Variants in ACOXL observed in about 807,000 individuals in gnomAD.
ACOXL encodes acyl-CoA oxidase like.
ACOXL carries 70 observed loss-of-function variants against 71.9 expected under a neutral mutation model. The ratio of observed to expected loss-of-function variants is 0.97; its 90% CI spans 0.80 to 1.19. The LOEUF (loss-of-function observed/expected upper bound fraction) is 1.19. Among genes scored for constraint, ACOXL ranks in the 50% most tolerant of loss-of-function variants. ACOXL has a pLI of 0.00. For synonymous variants in ACOXL, 253 were observed against 281.6 expected, an observed-to-expected ratio of 0.90 and a Z score of 1.02; for missense variants, 703 against 736.3, an observed-to-expected ratio of 0.95 and a Z score of 0.52.
At chr2:110,851,875 C>T (rs376313303) in intron 10 of ACOXL, among the ~76,000 whole-genome samples, 166 of 152,314 alleles carry the variant, frequency 1.1e-3, no homozygotes, top group African/African-American at 3.7e-3. Flanking sequence ...GTGAGAAAGG[C>T]GCTCCATGTT....
At chr2:111,075,306 G>T (rs1411321247) in intron 16 of ACOXL, among the ~76,000 whole-genome samples, 1 of 151,810 alleles carries the variant, frequency 6.6e-6, no homozygotes, top group African/African-American at 2.4e-5. Context: ...ATTTCATTTC[G>T]TATGATCCTT....
chr2:110,858,569 C>T (rs937122803), intron 10 of ACOXL, among the ~76,000 whole-genome samples: 3 of 152,184 alleles, frequency 2.0e-5, no homozygotes, highest in Admixed American at 6.5e-5. Flanking sequence ...CTTCACAAGG[C>T]GTTGCTAGCC....
intron 11 of ACOXL, among the ~76,000 whole-genome samples, chr2:110,930,686 G>A (rs776744791): frequency 6.6e-6 from 1 of 152,104 alleles, no homozygotes; most frequent in Non-Finnish European, 1.5e-5. Context: ...CTCAGTGGGG[G>A]CTAATTGAAT....
chr2:110,904,600 A>C (rs2059369035), intron 10 of ACOXL, among the ~76,000 whole-genome samples: 1 of 152,236 alleles, frequency 6.6e-6, no homozygotes, highest in Non-Finnish European at 1.5e-5. Context: ...AGATCAGAAG[A>C]GGACAGCCAT....
chr2:110,839,526 A>C (rs1415385163), intron 9 of ACOXL, among the ~76,000 whole-genome samples: 3 of 152,152 alleles, frequency 2.0e-5, no homozygotes, highest in Admixed American at 1.3e-4. Flanking sequence ...GGTGATTGTG[A>C]TGTGCAATCA....
intron 1 of ACOXL, among the ~76,000 whole-genome samples, chr2:110,755,220 G>A (rs1679508840): frequency 6.6e-6 from 1 of 152,094 alleles, no homozygotes; most frequent in Admixed American, 6.5e-5. Flanking sequence ...ACCCTCACAT[G>A]TGAGGCCTGA....
At chr2:110,825,613 C>G (rs1573703379) in intron 9 of ACOXL, among the ~76,000 whole-genome samples, 1 of 152,154 alleles carries the variant, frequency 6.6e-6, no homozygotes, top group South Asian at 2.1e-4. Context: ...TCCCATGAAT[C>G]AAACAGGGGA....
intron 1 of ACOXL, among the ~76,000 whole-genome samples, chr2:110,743,164 T>C (rs1259945037): frequency 6.6e-6 from 1 of 152,260 alleles, no homozygotes; most frequent in African/African-American, 2.4e-5. Flanking sequence ...AGGTGACCAT[T>C]TGTATCTGGT....
At chr2:111,111,140 C>T (rs1484574146) in intron 17 of ACOXL, among the ~76,000 whole-genome samples, 7 of 152,080 alleles carry the variant, frequency 4.6e-5, no homozygotes, top group Non-Finnish European at 1.0e-4. Context: ...CACTCTGTCA[C>T]CCAGGTTGGA....
chr2:111,075,238 A>C (rs1049407473), intron 16 of ACOXL, among the ~76,000 whole-genome samples: 2 of 151,554 alleles, frequency 1.3e-5, no homozygotes, highest in African/African-American at 4.9e-5. Context: ...TTTTTTTTAC[A>C]ATCTTTTAAC....
intron 12 of ACOXL, chr2:110,968,222 A>C (rs2062017625): frequency 4.7e-6 from 5 of 1,072,868 alleles, no homozygotes; most frequent in African/African-American, 1.5e-5. Context: ...GGCAATGAAT[A>C]CAATGTGGAA....
chr2:111,014,719 C>T (rs757043546), intron 14 of ACOXL, among the ~76,000 whole-genome samples: 1 of 152,194 alleles, frequency 6.6e-6, no homozygotes, highest in Non-Finnish European at 1.5e-5. Flanking sequence ...TACCTGATTT[C>T]AAAGCTTGTG....
chr2:110,863,301 A>T (rs1694174595), intron 10 of ACOXL, among the ~76,000 whole-genome samples: 1 of 152,242 alleles, frequency 6.6e-6, no homozygotes, highest in Admixed American at 6.5e-5. Context: ...AGAGATGCTC[A>T]TGATATAATG....
chr2:110,865,036 A>T (rs535662644), intron 10 of ACOXL, among the ~76,000 whole-genome samples: 2 of 141,728 alleles, frequency 1.4e-5, no homozygotes, highest in Admixed American at 7.0e-5. Context: ...TGAGTTTCTT[A>T]TGTATTTCTG....
chr2:110,850,294 A>G (rs1014876542), intron 10 of ACOXL, among the ~76,000 whole-genome samples: 3 of 152,232 alleles, frequency 2.0e-5, no homozygotes, highest in African/African-American at 7.2e-5. Context: ...CTGCTCTTTG[A>G]AAAACACTGC....
At chr2:110,797,037 C>T (rs993415845) in intron 5 of ACOXL, among the ~76,000 whole-genome samples, 5 of 152,224 alleles carry the variant, frequency 3.3e-5, no homozygotes, top group Admixed American at 6.5e-5. Context: ...TTCTCCTGGG[C>T]TCCCAACTTG....
At chr2:110,793,134 C>G (rs903679783) in intron 3 of ACOXL, among the ~76,000 whole-genome samples, 1 of 152,192 alleles carries the variant, frequency 6.6e-6, no homozygotes, top group South Asian at 2.1e-4. Flanking sequence ...GTCCAAGATC[C>G]TGCAGCCGGT....
At chr2:110,792,432 T>C (rs888833048) in intron 3 of ACOXL, among the ~76,000 whole-genome samples, 3 of 152,198 alleles carry the variant, frequency 2.0e-5, no homozygotes, top group African/African-American at 7.2e-5. Context: ...TCCTTCTCCT[T>C]CTCATCCTCA....
chr2:110,896,679 A>ACAGTAATCT (rs1451621019), intron 10 of ACOXL, among the ~76,000 whole-genome samples: 1 of 152,202 alleles, frequency 6.6e-6, no homozygotes, highest in Non-Finnish European at 1.5e-5. Context: ...TCAAGAAGAT[A>ACAGTAATCT]CAGTAATCTT....
Sources: allele counts gnomAD v4.1 joint callset (sites outside exome capture counted in the v4.1 genomes callset), GRCh38; gene constraint gnomAD v4.1.1; transcripts MANE v1.5; gene names NCBI Gene and HGNC (gene_info 2026-07-23, HGNC 2026-07-21).